The following ECE1 variants were observed in gnomAD, a reference collection of about 807,000 sequenced individuals.
The protein encoded by ECE1 is endothelin-converting enzyme 1.
ECE1 carries 35 observed loss-of-function variants against 98.6 expected under a neutral mutation model. The ratio of observed to expected loss-of-function variants is 0.35; its 90% confidence interval spans 0.27 to 0.47. The LOEUF (loss-of-function observed/expected upper bound fraction) is 0.47, where lower values mean the gene tolerates loss of function less well. Ranked by LOEUF, ECE1 falls within the 20% of genes least tolerant of loss-of-function variation. ECE1 has a pLI of 1.00. For missense variants in ECE1, 814 were observed against 1,025.3 expected, an observed-to-expected ratio of 0.79 and a Z score of 2.81; for synonymous variants, 394 against 407.1, an observed-to-expected ratio of 0.97 and a Z score of 0.39.
intron 1 of ECE1, among the ~76,000 whole-genome samples, chr1:21,329,416 C>G (rs1639148149): frequency 6.6e-6 from 1 of 152,170 alleles, no homozygotes; most frequent in South Asian, 2.1e-4. Flanking sequence ...TGGTATTCTT[C>G]CTGATGGCTT....
intron 1 of ECE1, among the ~76,000 whole-genome samples, chr1:21,325,872 G>A (rs754050239): frequency 6.6e-6 from 1 of 152,162 alleles, no homozygotes; most frequent in Non-Finnish European, 1.5e-5. Flanking sequence ...CTGTCCCGAC[G>A]CCACCCAGAG....
Position 21,345,034 on chromosome 1 carries a change from A to T in ECE1, c.3+342T>A. 5.6e-6 allele frequency: 1 copy of T among 177,350 alleles called. No individual in the cohort carries two copies. The highest frequency in any genetic ancestry group is 6.2e-5 in the Admixed American group (1 of 16,048). 11.0% of individuals were successfully genotyped at this position (177,350 alleles called of 1,614,324 possible). The stretch of plus-strand genomic sequence containing the variant: ...CCAGCCCGGCTGCCCTGGGTCTCCA[A>T]GCCAAGCTGAGTCCAGGGACTTCAG... On this transcript the variant is annotated intron_variant, in intron 1 of 18. Transcript: ENST00000415912. The surrounding 1 kb of genome is among the most constrained non-coding windows in gnomAD (Gnocchi z 5.1).
intron 3 of ECE1, among the ~76,000 whole-genome samples, chr1:21,276,095 G>A (rs1179541878): frequency 7.7e-6 from 1 of 130,544 alleles, no homozygotes. Flanking sequence ...GCATAATCTC[G>A]ACTCGCTGCA....
intron 7 of ECE1, 36 bp downstream of exon 7, chr1:21,257,489 C>T (rs1273207531): frequency 6.2e-7 from 1 of 1,611,806 alleles, no homozygotes. Context: ...AAGGACCGTG[C>T]TGGGAGGCAG....
intron 8 of ECE1, among the ~76,000 whole-genome samples, chr1:21,251,683 A>C (rs1296745439): frequency 6.6e-6 from 1 of 152,162 alleles, no homozygotes; most frequent in African/African-American, 2.4e-5. Context: ...AGCTGGGAAG[A>C]GCCACTTGGG....
At chr1:21,334,872 G>A (rs1248669956) in intron 1 of ECE1, among the ~76,000 whole-genome samples, 2 of 152,036 alleles carry the variant, frequency 1.3e-5, no homozygotes, top group African/African-American at 2.4e-5. Context: ...CCTGAGGCCC[G>A]CGCTCCTGCC....
At chr1:21,315,060 A>G (rs554348417) in intron 1 of ECE1, among the ~76,000 whole-genome samples, 6 of 152,306 alleles carry the variant, frequency 3.9e-5, no homozygotes, top group South Asian at 2.1e-4. Flanking sequence ...ACTGTAATTA[A>G]TAACTACTAT....
intron 8 of ECE1, among the ~76,000 whole-genome samples, chr1:21,255,293 T>C (rs1216740669): frequency 6.6e-6 from 1 of 152,182 alleles, no homozygotes; most frequent in Non-Finnish European, 1.5e-5. Context: ...GTGGTGGCCA[T>C]TCTGCTGATC....
chr1:21,258,907 CT>C lies in ECE1; in HGVS notation c.616-69del, dbSNP rs2098223356. 1.9e-6 allele frequency: 3 copies of C among 1,594,970 alleles called. No individual in the cohort carries two copies. In the South Asian group the frequency reaches 3.4e-5, roughly 18 times the overall value. On this transcript the variant is annotated intron_variant, in intron 5 of 18. Coordinates refer to ENST00000374893, the MANE Select transcript of ECE1 (RefSeq NM_001397.3). The surrounding 1 kb of genome is among the most constrained non-coding windows in gnomAD (Gnocchi z 4.2). Reference sequence around the variant, plus strand: ...GGAGACCCAGATGTGAATTCTGGTTCTGCCGCTGACTTGCTCTGTGACCCTG... The same window carrying C: ...GGAGACCCAGATGTGAATTCTGGTTCGCCGCTGACTTGCTCTGTGACCCTG...
At chr1:21,224,202 C>A (rs1259278908) in intron 17 of ECE1, among the ~76,000 whole-genome samples, 1 of 152,210 alleles carries the variant, frequency 6.6e-6, no homozygotes, top group Non-Finnish European at 1.5e-5. Context: ...AATGTCATAA[C>A]CCCAGAGAAG....
At chr1:21,334,227 A>G (rs568064833) in intron 1 of ECE1, among the ~76,000 whole-genome samples, 2 of 152,308 alleles carry the variant, frequency 1.3e-5, no homozygotes, top group East Asian at 3.9e-4. Flanking sequence ...GGTCTGCCCT[A>G]TGAGGAAGTT....
intron 16 of ECE1, among the ~76,000 whole-genome samples, chr1:21,226,835 C>T (rs2103215738): frequency 6.6e-6 from 1 of 152,308 alleles, no homozygotes; most frequent in South Asian, 2.1e-4. Flanking sequence ...AAACGATTTT[C>T]CTGCCTCAGC....
Position 21,258,761 on chromosome 1 carries a change from G to T in ECE1, c.694C>A (p.Arg232Ser). 1 of 1,614,218 alleles carries T rather than the reference G, an allele frequency of 6.2e-7. No individual in the cohort carries two copies. Among genetic ancestry groups the T allele is most frequent in the Non-Finnish European group, 8.5e-7 (1 of 1,180,038 alleles). Residue 232 changes from arginine (R) to serine (S), a missense_variant, in exon 6 of 19, where the codon CGC (arginine) becomes AGC (serine). Transcript: ENST00000374893. The surrounding 1 kb of genome is among the most constrained non-coding windows in gnomAD (Gnocchi z 4.2). ...DTLQVVTAHY[R>S]TSPFFSVYVS... ...TAGACAGAGAAGAAGGGTGAGGTGCGGTAGTGGGCGGTGACCACCTGCAGG... is the reference window on the plus strand; with the variant it reads ...TAGACAGAGAAGAAGGGTGAGGTGCTGTAGTGGGCGGTGACCACCTGCAGG...
chr1:21,235,151 A>G lies in ECE1; in HGVS notation c.1566+699T>C, dbSNP rs1269093145. Among the ~76,000 whole-genome samples, 1 of 152,160 alleles carries G rather than the reference A, an allele frequency of 6.6e-6. No individual in the cohort carries two copies. Among genetic ancestry groups the G allele is most frequent in the Non-Finnish European group, 1.5e-5 (1 of 68,022 alleles). ...GGCAACAGAATGAGACCCTGTCTCA[A>G]AAAAAATTTTTTCTTAAATACCTGA... On this transcript the variant is annotated intron_variant, in intron 13 of 18. Transcript: ENST00000374893. The surrounding 1 kb of genome is among the most constrained non-coding windows in gnomAD (Gnocchi z 4.2).
chr1:21,227,874 G>T, intron 15 of ECE1, 57 bp downstream of exon 15: 1 of 1,375,312 alleles, frequency 7.3e-7, no homozygotes, highest in Non-Finnish European at 1.0e-6. Context: ...GGTCGTATGG[G>T]CCCCAGGGCT....
At chr1:21,317,553 G>A (rs1001281633) in intron 1 of ECE1, among the ~76,000 whole-genome samples, 1 of 152,222 alleles carries the variant, frequency 6.6e-6, no homozygotes, top group Non-Finnish European at 1.5e-5. Context: ...ATGGAGTCAT[G>A]GGCCCAGGCT....
At chr1:21,289,995 G>A in intron 2 of ECE1, 75 bp downstream of exon 2, 2 of 1,258,696 alleles carry the variant, frequency 1.6e-6, no homozygotes. Flanking sequence ...GGTAGGGGCG[G>A]GGGGCGCGGC....
At chr1:21,230,358 C>T (rs1438867047) in intron 14 of ECE1, among the ~76,000 whole-genome samples, 1 of 152,146 alleles carries the variant, frequency 6.6e-6, no homozygotes, top group Non-Finnish European at 1.5e-5. Flanking sequence ...CCTTTCCCAA[C>T]TAAATTCCTA....
rs71014186 is a variant in ECE1 at position 21,330,226 on chromosome 1, C to CTTTTT, written c.3+15145_3+15149dup. ...CTCCTGCCCACATACTCGCCAAATACTTTTTTTTTTTTTTTTTTTTTTTTT... is the reference window on the plus strand; with the variant it reads ...CTCCTGCCCACATACTCGCCAAATACTTTTTTTTTTTTTTTTTTTTTTTTTTTTTT... On this transcript the variant is annotated intron_variant, in intron 1 of 18. Coordinates refer to the ECE1 transcript ENST00000415912. Among the ~76,000 whole-genome samples, 397 of 43,402 alleles carry CTTTTT rather than the reference C, an allele frequency of 9.1e-3. 88 individuals are homozygous for CTTTTT. Among genetic ancestry groups the CTTTTT allele is most frequent in the Non-Finnish European group, 0.018 (347 of 19,680 alleles). 28.5% of individuals were successfully genotyped at this position (43,402 alleles called of 152,430 possible). A position where few individuals can be genotyped will look rare whatever the true frequency, so the allele number is the denominator to read the frequency against.
Sources: gnomAD v4.1 joint callset for allele counts (sites outside exome capture counted in the v4.1 genomes callset) on GRCh38, gnomAD v4.1.1 for gene constraint, Gnocchi (gnomAD v3.1) non-coding constraint, MANE v1.5 for transcripts, NCBI Gene and HGNC (gene_info 2026-07-23, HGNC 2026-07-21) for gene names.